ZNF438: variants seen among roughly 807,000 people sequenced by gnomAD.
ZNF438 encodes zinc finger protein 438.
ZNF438 carries 25 observed loss-of-function variants against 38.0 expected under a neutral mutation model. The ratio of observed to expected loss-of-function variants is 0.66; its 90% CI spans 0.48 to 0.92. The LOEUF is 0.92. Among genes scored for constraint, ZNF438 ranks in the 40% least tolerant of loss-of-function variants. The pLI is 0.00. For synonymous variants in ZNF438, 372 were observed against 364.1 expected (o/e 1.02, Z -0.25); for missense variants, 1,007 against 999.6 (o/e 1.01, Z -0.10).
intron 1 of ZNF438, among the ~76,000 whole-genome samples, chr10:30,945,159 T>G (rs1203520057): frequency 6.6e-6 from 1 of 152,042 alleles, no homozygotes; most frequent in Non-Finnish European, 1.5e-5. Flanking sequence ...TTCTCTTTTC[T>G]GTTCTGTCCA....
At chr10:30,871,737 G>T (rs374391293) in intron 4 of ZNF438, among the ~76,000 whole-genome samples, 288 of 152,240 alleles carry the variant, frequency 1.9e-3, no homozygotes, top group Middle Eastern at 0.01. Context: ...AAATCTAGGG[G>T]TTTTTAAAAA....
rs183530343 is a variant in ZNF438, at chr10:30,933,874, C to T, written c.-115+7701G>A. 1.6e-3 allele frequency among the ~76,000 whole-genome samples: 250 copies of T among 152,174 alleles called. 2 individuals carry two copies. The highest frequency in any genetic ancestry group is 4.6e-3 in the Admixed American group (71 of 15,280). On this transcript the variant is annotated intron_variant, in intron 2 of 5. Transcript: ENST00000413025. ...TGAAATCAGCGCTTGAGGACAGGCG[C>T]GGTGGCTCACGCCTGTAATCCCAAC...
At chr10:30,888,051 T>C (rs1343888702) in intron 3 of ZNF438, among the ~76,000 whole-genome samples, 2 of 152,228 alleles carry the variant, frequency 1.3e-5, no homozygotes, top group African/African-American at 2.4e-5. Flanking sequence ...TTTGAGTTGC[T>C]GCCAGTTTTT....
intron 4 of ZNF438, among the ~76,000 whole-genome samples, chr10:30,874,947 A>G (rs1349109542): frequency 2.0e-5 from 3 of 152,132 alleles, no homozygotes; most frequent in Non-Finnish European, 4.4e-5. Context: ...TTGAAGTTGT[A>G]AAATAAGGTT....
chr10:30,893,644 A>G (rs1433727322), intron 3 of ZNF438, among the ~76,000 whole-genome samples: 1 of 152,208 alleles, frequency 6.6e-6, no homozygotes, highest in Non-Finnish European at 1.5e-5. Context: ...ATGTAAGATG[A>G]AATGGTGTCT....
intron 1 of ZNF438, among the ~76,000 whole-genome samples, chr10:31,005,682 T>C (rs1328497096): frequency 1.3e-5 from 2 of 152,226 alleles, no homozygotes; most frequent in Non-Finnish European, 2.9e-5. Context: ...GTGAGATGAC[T>C]GATGTTAATT....
intron 1 of ZNF438, among the ~76,000 whole-genome samples, chr10:31,013,011 G>A (rs1159276355): frequency 6.6e-6 from 1 of 152,080 alleles, no homozygotes; most frequent in African/African-American, 2.4e-5. Flanking sequence ...CCAGACTAGA[G>A]ATCACTGTTA....
At chr10:31,024,804 T>C (rs1202658892) in intron 1 of ZNF438, among the ~76,000 whole-genome samples, 1 of 152,154 alleles carries the variant, frequency 6.6e-6, no homozygotes, top group African/African-American at 2.4e-5. Context: ...TGAAAATTAA[T>C]GTGAAAAGGA....
At chr10:30,969,816 G>GGA in intron 1 of ZNF438, among the ~76,000 whole-genome samples, 1 of 149,240 alleles carries the variant, frequency 6.7e-6, no homozygotes, top group African/African-American at 2.4e-5. Context: ...CCAAAGCAAG[G>GGA]TAAGTTTTTA....
chr10:30,910,671 T>C (rs1260083047), intron 2 of ZNF438, among the ~76,000 whole-genome samples: 1 of 141,726 alleles, frequency 7.1e-6, no homozygotes, highest in Non-Finnish European at 1.5e-5. Context: ...GAATCTTTAT[T>C]TGTATATTGG....
intron 1 of ZNF438, among the ~76,000 whole-genome samples, chr10:31,000,727 A>G (rs1238877480): frequency 6.6e-6 from 1 of 151,948 alleles, no homozygotes; most frequent in African/African-American, 2.4e-5. Flanking sequence ...CTATGTTACA[A>G]TTTAAAATCT....
chr10:31,005,342 C>T (rs1055591698), intron 1 of ZNF438, among the ~76,000 whole-genome samples: 2 of 152,044 alleles, frequency 1.3e-5, no homozygotes, highest in African/African-American at 4.8e-5. Context: ...AAAAGGAGAT[C>T]CTGCCATTTG....
intron 4 of ZNF438, among the ~76,000 whole-genome samples, chr10:30,864,240 A>G (rs2036060192): frequency 6.6e-6 from 1 of 152,222 alleles, no homozygotes; most frequent in African/African-American, 2.4e-5. Context: ...TAAATATACA[A>G]TGCTCAAATC....
At chr10:30,964,564 G>A (rs756859402) in intron 1 of ZNF438, among the ~76,000 whole-genome samples, 3 of 152,118 alleles carry the variant, frequency 2.0e-5, no homozygotes, top group East Asian at 1.9e-4. Context: ...GTTGACTGAC[G>A]GACATTAGTA....
At chr10:30,921,400 C>A (rs1473621620) in intron 2 of ZNF438, among the ~76,000 whole-genome samples, 1 of 152,182 alleles carries the variant, frequency 6.6e-6, no homozygotes, top group African/African-American at 2.4e-5. Flanking sequence ...ATATAAAAAT[C>A]TGTAAGTTAC....
intron 1 of ZNF438, among the ~76,000 whole-genome samples, chr10:30,944,658 A>G (rs1188108664): frequency 6.6e-6 from 1 of 152,210 alleles, no homozygotes; most frequent in East Asian, 1.9e-4. Flanking sequence ...CAGATATAGC[A>G]GCATTCAGAT....
intron 1 of ZNF438, among the ~76,000 whole-genome samples, chr10:31,007,393 T>C (rs1232517441): frequency 2.0e-5 from 3 of 150,222 alleles, no homozygotes; most frequent in Admixed American, 2.0e-4. Context: ...GCGATTCTCC[T>C]GTCTCAGCCT....
intron 1 of ZNF438, among the ~76,000 whole-genome samples, chr10:31,027,386 G>A (rs1014956817): frequency 6.6e-6 from 1 of 151,866 alleles, no homozygotes; most frequent in Non-Finnish European, 1.5e-5. Flanking sequence ...TTGTGCAAAT[G>A]TAAATTTTAA....
chr10:30,863,136 G>A (rs2035863262), intron 4 of ZNF438, among the ~76,000 whole-genome samples: 1 of 152,168 alleles, frequency 6.6e-6, no homozygotes, highest in Admixed American at 6.5e-5. Context: ...GACAGCCACG[G>A]ATCTTTAAGA....
Sources: gnomAD v4.1 joint callset for allele counts (sites outside exome capture counted in the v4.1 genomes callset) on GRCh38, gnomAD v4.1.1 for gene constraint, MANE v1.5 for transcripts, NCBI Gene and HGNC (gene_info 2026-07-23, HGNC 2026-07-21) for gene names.